The following ADGRV1 variants were observed in gnomAD, a reference collection of about 807,000 sequenced individuals.
ADGRV1 encodes the protein adhesion G protein-coupled receptor V1, also known as G-protein coupled receptor 98.
ADGRV1 carries 359 observed loss-of-function variants against 596.2 expected under a neutral mutation model. That is an observed-to-expected ratio of 0.60 (90% confidence interval 0.55 to 0.66). The LOEUF is 0.66. Ranked by LOEUF, ADGRV1 falls within the 30% of genes least tolerant of loss-of-function variation. The probability of loss-of-function intolerance (pLI) is 0.00; values close to 1 mark genes in which losing one functional copy is unlikely to be tolerated. For synonymous variants in ADGRV1, 2,681 were observed against 2,679.2 expected (o/e 1.00, Z -0.02); for missense variants, 7,274 against 7,575.6 (o/e 0.96, Z 1.48).
chr5:91,090,233 A>G (rs1230547373), intron 86 of ADGRV1, among the ~76,000 whole-genome samples: 1 of 152,204 alleles, frequency 6.6e-6, no homozygotes, highest in Non-Finnish European at 1.5e-5. Context: ...GCAAAATATT[A>G]TCTGGCACTT....
chr5:91,147,643 G>A (rs1469874178), intron 87 of ADGRV1, among the ~76,000 whole-genome samples: 1 of 152,190 alleles, frequency 6.6e-6, no homozygotes, highest in East Asian at 1.9e-4. Context: ...GTGTGGAACT[G>A]AGTCAATTAA....
At chr5:90,700,359 T>G (rs1747755051) in intron 34 of ADGRV1, among the ~76,000 whole-genome samples, 1 of 152,178 alleles carries the variant, frequency 6.6e-6, no homozygotes, top group African/African-American at 2.4e-5. Context: ...GCATTTTTGA[T>G]TCATGGGAGG....
chr5:91,059,890 T>C (rs1288460659), intron 85 of ADGRV1, among the ~76,000 whole-genome samples: 1 of 152,156 alleles, frequency 6.6e-6, no homozygotes, highest in Non-Finnish European at 1.5e-5. Flanking sequence ...AAATGATAAA[T>C]AAATACTAAT....
At chr5:90,571,457 G>T (rs942697257) in intron 1 of ADGRV1, among the ~76,000 whole-genome samples, 4 of 152,092 alleles carry the variant, frequency 2.6e-5, no homozygotes, top group Non-Finnish European at 2.9e-5. Context: ...TTTTAAATTT[G>T]CAATAAATGT....
At chr5:90,804,037 G>A (rs1371661129) in intron 71 of ADGRV1, among the ~76,000 whole-genome samples, 3 of 152,072 alleles carry the variant, frequency 2.0e-5, no homozygotes, top group Non-Finnish European at 4.4e-5. Flanking sequence ...ATGTGGCTAG[G>A]GCATTTCAAA....
At chr5:91,092,337 G>C (rs1790459632) in intron 86 of ADGRV1, among the ~76,000 whole-genome samples, 1 of 152,110 alleles carries the variant, frequency 6.6e-6, no homozygotes, top group Non-Finnish European at 1.5e-5. Context: ...GACCTCAGGT[G>C]ATCCACCCGC....
At chr5:91,140,759 A>C (rs539603214) in intron 87 of ADGRV1, among the ~76,000 whole-genome samples, 36 of 152,294 alleles carry the variant, frequency 2.4e-4, no homozygotes, top group African/African-American at 7.5e-4. Flanking sequence ...ATCTGTTAAA[A>C]ACTTACTTTT....
intron 77 of ADGRV1, among the ~76,000 whole-genome samples, chr5:90,838,122 A>G (rs1290267786): frequency 6.6e-6 from 1 of 152,134 alleles, no homozygotes; most frequent in Non-Finnish European, 1.5e-5. Flanking sequence ...TAACTGTTAT[A>G]TAGTATTTCA....
intron 59 of ADGRV1, among the ~76,000 whole-genome samples, chr5:90,769,292 T>C (rs1250300614): frequency 6.6e-6 from 1 of 152,184 alleles, no homozygotes; most frequent in Admixed American, 6.5e-5. Context: ...CCACTTTGAC[T>C]CTTTGCCTTC....
intron 87 of ADGRV1, among the ~76,000 whole-genome samples, chr5:91,121,066 C>T (rs1319596924): frequency 6.6e-6 from 1 of 151,976 alleles, no homozygotes; most frequent in Non-Finnish European, 1.5e-5. Context: ...CCCAGCTACT[C>T]GGGAGGCTGA....
At position 91,153,389 on chromosome 5, in the gene ADGRV1, T is replaced by C; in HGVS notation, c.18793T>C (p.Leu6265=). The change falls in exon 89 of 90, where the codon TTA becomes CTA. Residue 6265 remains leucine (L), a synonymous_variant. Coordinates refer to ENST00000405460, the MANE Select transcript of ADGRV1 (RefSeq NM_032119.4). ...GGAGTTTGATGATTTAATATTTGCA[T>C]TAAAAACTGGTATGTATGAACCCAT... is the stretch of plus-strand genomic sequence containing the variant. ...SQEFDDLIFA[L]KTGAGLSVSD... is the part of the protein sequence containing the mutation. The C allele has an allele frequency of 6.2e-7, 1 of 1,602,088 alleles. No homozygotes were observed.
intron 29 of ADGRV1, among the ~76,000 whole-genome samples, chr5:90,687,560 A>C (rs535920834): frequency 7.2e-4 from 110 of 152,318 alleles, no homozygotes; most frequent in Non-Finnish European, 1.4e-3. Context: ...GCAATTAGGC[A>C]GGAGAATGAC....
At chr5:90,598,708 T>C (rs1264955644) in intron 1 of ADGRV1, among the ~76,000 whole-genome samples, 3 of 152,080 alleles carry the variant, frequency 2.0e-5, no homozygotes, top group Non-Finnish European at 4.4e-5. Context: ...AGCATACAAG[T>C]AGGGGAGCTC....
rs919358859 is a variant in ADGRV1 at position 90,778,533 on chromosome 5, CG to C, written c.12775del (p.Val4259TrpfsTer47). On this transcript the variant is annotated frameshift_variant, in exon 63 of 90. Transcript: ENST00000405460. LOFTEE classifies it high-confidence loss of function. ...GAATCCAGCAGCACTGCCAACATCACGGTGGTGGCCAGCGACTCTCCCTATG... is the reference window on the plus strand; with the variant it reads ...GAATCCAGCAGCACTGCCAACATCACGTGGTGGCCAGCGACTCTCCCTATG... ...LSESSSTANI[T>X]VVASDSPYGR... The C allele has an allele frequency of 6.2e-7, 1 of 1,612,686 alleles. No homozygotes were observed. The highest frequency in any genetic ancestry group is 8.5e-7 in the Non-Finnish European group (1 of 1,179,290).
At chr5:90,596,455 T>C (rs892587540) in intron 1 of ADGRV1, among the ~76,000 whole-genome samples, 1 of 150,554 alleles carries the variant, frequency 6.6e-6, no homozygotes, top group African/African-American at 2.5e-5. Context: ...GAGGTGGAGG[T>C]TGTAGCGAGC....
At chr5:90,850,401 A>C (rs1374441424) in intron 79 of ADGRV1, among the ~76,000 whole-genome samples, 1 of 152,174 alleles carries the variant, frequency 6.6e-6, no homozygotes, top group Non-Finnish European at 1.5e-5. Context: ...CTAAATGTCC[A>C]TCTGAGACCA....
Position 90,658,033 on chromosome 5 carries a change from G to A in ADGRV1, c.4507G>A (p.Ala1503Thr), listed in dbSNP as rs201391886. Residue 1503 changes from alanine (A) to threonine (T), a missense_variant, in exon 21 of 90, where the codon GCA (alanine) becomes ACA (threonine). Transcript: ENST00000405460. The part of the protein sequence containing the change: ...EEIYELHAMP[A>T]KSDLHPISGY... ...AATTTATGAACTTCATGCCATGCCC[G>A]CAAAAAGTGATTTACACCCAATTTC... 630 of 1,613,728 alleles carry A rather than the reference G, an allele frequency of 3.9e-4. No homozygotes were observed. The highest frequency in any genetic ancestry group is 4.9e-4 in the Non-Finnish European group (579 of 1,179,822).
intron 89 of ADGRV1, among the ~76,000 whole-genome samples, chr5:91,162,314 T>C (rs1422361457): frequency 6.6e-6 from 1 of 152,102 alleles, no homozygotes; most frequent in Non-Finnish European, 1.5e-5. Context: ...AGAATCATCA[T>C]GTTTCAAGGG....
In ADGRV1 at chr5:90,680,981, AG is replaced by A. The variant is rs1301935611; in HGVS notation, c.5525-332del. On this transcript the variant is annotated intron_variant, in intron 26 of 89. Transcript: ENST00000405460. Reference sequence around the variant, plus strand: ...AGTCATTTTGGCTCAAGTTCTTTTGAGGTCAGAAAGGTCGTGGGAGACCTTC... The same window carrying A: ...AGTCATTTTGGCTCAAGTTCTTTTGAGTCAGAAAGGTCGTGGGAGACCTTC... Among the ~76,000 whole-genome samples, 3 of 152,324 alleles carry A rather than the reference AG, an allele frequency of 2.0e-5. No individual in the cohort carries two copies. In the East Asian group the frequency reaches 5.8e-4, roughly 29 times the overall value.
Sources: gnomAD v4.1 joint callset for allele counts (sites outside exome capture counted in the v4.1 genomes callset) on GRCh38, gnomAD v4.1.1 for gene constraint, MANE v1.5 for transcripts, NCBI Gene and HGNC (gene_info 2026-07-23, HGNC 2026-07-21) for gene names.